NAPA: variants seen among roughly 807,000 people sequenced by gnomAD.
The protein encoded by NAPA is NSF attachment protein alpha, also known as alpha-soluble NSF attachment protein.
NAPA carries 18 observed loss-of-function variants against 48.0 expected under a neutral mutation model. That is an observed-to-expected ratio of 0.38 (90% CI 0.26 to 0.56). The LOEUF (loss-of-function observed/expected upper bound fraction) is 0.56, where lower values mean the gene tolerates loss of function less well. Among genes scored for constraint, NAPA ranks in the 20% least tolerant of loss-of-function variants. The pLI, the probability that NAPA is intolerant of heterozygous loss-of-function variation, is 0.77. For missense variants in NAPA, 315 were observed against 385.0 expected (o/e 0.82, Z 1.52); for synonymous variants, 152 against 149.9 (o/e 1.01, Z -0.10).
chr19:47,492,120 C>G lies in NAPA; in HGVS notation c.562-1G>C. On this transcript the variant is annotated splice_acceptor_variant, in intron 7 of 10. Coordinates refer to ENST00000263354, the MANE Select transcript of NAPA (RefSeq NM_003827.4). LOFTEE classifies it high-confidence loss of function. ...GGCTGTCCATGGCATTGGTCCCCACCTGTAGCCATGGAGAAGTGGCACTGG... is the reference window on the plus strand; with the variant it reads ...GGCTGTCCATGGCATTGGTCCCCACGTGTAGCCATGGAGAAGTGGCACTGG... 1.2e-6 allele frequency: 2 copies of G among 1,613,314 alleles called. No homozygotes were observed. Among genetic ancestry groups the G allele is most frequent in the Non-Finnish European group, 1.7e-6 (2 of 1,179,480 alleles).
In NAPA at chr19:47,494,760, AG is replaced by A. The variant is rs1568465507; in HGVS notation, c.342+789del. 2.7e-3 allele frequency among the ~76,000 whole-genome samples: 305 copies of A among 110,932 alleles called. 3 individuals carry two copies. The highest frequency in any genetic ancestry group is 5.6e-3 in the African/African-American group (186 of 33,118). 72.8% of individuals were successfully genotyped at this position (110,932 alleles called of 152,430 possible). Reference sequence around the variant, plus strand: ...CAAAAAAAAAAAAAAAAAAAAAAAGAGAGAGAGAGAAAGCACTGACAGGAGC... The same window carrying A: ...CAAAAAAAAAAAAAAAAAAAAAAAGAAGAGAGAGAAAGCACTGACAGGAGC... On this transcript the variant is annotated intron_variant, in intron 4 of 10. Transcript: ENST00000263354.
chr19:47,504,272 G>A (rs1341141021), intron 1 of NAPA, among the ~76,000 whole-genome samples: 4 of 151,954 alleles, frequency 2.6e-5, no homozygotes, highest in Non-Finnish European at 4.4e-5. Context: ...GTGCACGCCT[G>A]TAGTCCTAGC....
chr19:47,492,564 C>T (rs1308370565), intron 7 of NAPA: 1 of 408,074 alleles, frequency 2.5e-6, no homozygotes, highest in Admixed American at 3.6e-5. Context: ...GGGGGGACCC[C>T]ATGTGACACT....
rs1968137111 is a variant in NAPA, at chr19:47,488,399, CA to C, written c.787-11del. On this transcript the variant is annotated splice_polypyrimidine_tract_variant and intron_variant, in intron 10 of 10. Transcript: ENST00000263354. ...AGTCGTATTCCTTCACCTGAGGGCA[CA>C]CCAGGTGATAGGCTGGCCATGCTCC... is the stretch of plus-strand genomic sequence containing the variant. The C allele has an allele frequency of 6.2e-7, 1 of 1,606,646 alleles. No homozygotes were observed. Among genetic ancestry groups the C allele is most frequent in the African/African-American group, 1.3e-5 (1 of 74,868 alleles).
At chr19:47,490,339 G>C (rs1339043113) in intron 9 of NAPA, among the ~76,000 whole-genome samples, 2 of 144,796 alleles carry the variant, frequency 1.4e-5, no homozygotes, top group Admixed American at 6.9e-5. Context: ...CGATATGTGT[G>C]GTGTGTGATG....
chr19:47,500,636 G>A lies in NAPA; in HGVS notation c.292C>T (p.Gln98Ter), dbSNP rs1222746763. 1 of 1,607,340 alleles carries A rather than the reference G, an allele frequency of 6.2e-7. No homozygotes were observed. The highest frequency in any genetic ancestry group is 1.3e-5 in the African/African-American group (1 of 74,680). The change falls in exon 3 of 11, where the codon CAA becomes TAA. Residue 98 changes from glutamine to a stop codon, truncating the protein, a stop_gained. Coordinates refer to ENST00000263354, the MANE Select transcript of NAPA (RefSeq NM_003827.4). LOFTEE classifies it high-confidence loss of function. ...TGTGGCCCGCAGAGGCCCTCACCTT[G>A]GGGGTCGGCTTTCTTGAATGCGTTG... ...AGNAFKKADP[Q>*]EAINCLMRAI...
chr19:47,486,696 C>T (rs899421058), downstream of NAPA, among the ~76,000 whole-genome samples: 2 of 152,236 alleles, frequency 1.3e-5, no homozygotes, highest in Admixed American at 1.3e-4. Flanking sequence ...TCACACTATC[C>T]TTCAGCCAGC....
chr19:47,505,427 C>A (rs767494560), intron 1 of NAPA: 1 of 152,222 alleles, frequency 6.6e-6, no homozygotes, highest in Non-Finnish European at 1.5e-5. Context: ...CTCTGCACTG[C>A]GGATTCAGTG....
chr19:47,490,952 ATT>A, intron 8 of NAPA, 96 bp from the exon 9 acceptor site: 2 of 1,089,410 alleles, frequency 1.8e-6, no homozygotes, highest in Middle Eastern at 2.0e-4. Flanking sequence ...GTCGGGTGAT[ATT>A]GAGTCAGCTC....
At chr19:47,507,439 C>G (rs1308442394) in intron 1 of NAPA, among the ~76,000 whole-genome samples, 2 of 152,178 alleles carry the variant, frequency 1.3e-5, no homozygotes, top group Non-Finnish European at 2.9e-5. Flanking sequence ...GCCAGAAATA[C>G]ACCATGCCCT....
downstream of NAPA, among the ~76,000 whole-genome samples, chr19:47,484,948 C>A (rs749780637): frequency 1.3e-4 from 20 of 152,178 alleles, no homozygotes; most frequent in Non-Finnish European, 2.1e-4. Flanking sequence ...GATCCGCCCA[C>A]CTCGGCCTCC....
intron 7 of NAPA, chr19:47,492,561 C>T (rs1189896327): frequency 2.2e-5 from 9 of 405,658 alleles, no homozygotes; most frequent in Non-Finnish European, 4.2e-5. Flanking sequence ...GCTGGGGGGA[C>T]CCCATGTGAC....
rs368123716 is a variant in NAPA, at chr19:47,489,302, A to T, written c.786+409T>A. ...GCAGAGGGAAGCTGGCACCTCTCCC[A>T]TGTCCTCAGCTCCACTCTCCTTCTC... On this transcript the variant is annotated intron_variant, in intron 10 of 10. Coordinates refer to ENST00000263354, the MANE Select transcript of NAPA (RefSeq NM_003827.4). 7.0e-4 allele frequency: 140 copies of T among 199,108 alleles called. No individual in the cohort carries two copies. In the South Asian group the frequency reaches 0.017, roughly 24 times the overall value. The allele number at this position is 199,108 out of a possible 1,614,324, so 12.3% of individuals were successfully genotyped here. A position where few individuals can be genotyped will look rare whatever the true frequency, so the allele number is the denominator to read the frequency against.
intron 8 of NAPA, 138 bp downstream of exon 8, chr19:47,491,877 A>C (rs1968275455): frequency 1.3e-6 from 1 of 744,668 alleles, no homozygotes; most frequent in Non-Finnish European, 2.2e-6. Flanking sequence ...TGAGAACCAC[A>C]CTTCTCATCC....
intron 9 of NAPA, 108 bp downstream of exon 9, chr19:47,490,680 A>T: frequency 3.5e-6 from 1 of 284,918 alleles, no homozygotes; most frequent in Non-Finnish European, 5.9e-6. Flanking sequence ...CAAAACAAAG[A>T]CACCCTCTGA....
intron 1 of NAPA, among the ~76,000 whole-genome samples, chr19:47,504,419 A>C (rs947407425): frequency 6.6e-6 from 1 of 150,556 alleles, no homozygotes; most frequent in South Asian, 2.1e-4. Flanking sequence ...AAAAAAAAAA[A>C]AGAGAAAGAG....
chr19:47,512,562 C>T (rs546315134), intron 1 of NAPA, among the ~76,000 whole-genome samples: 1 of 152,280 alleles, frequency 6.6e-6, no homozygotes, highest in Admixed American at 6.5e-5. Flanking sequence ...AGGGACCAGA[C>T]ACCCAGAGCC....
rs1237009430 is a variant in NAPA at position 47,493,275 on chromosome 19, C to A, written c.421-101G>T. 1.6e-5 allele frequency: 24 copies of A among 1,484,626 alleles called. No homozygotes were observed. Among genetic ancestry groups the A allele is most frequent in the Non-Finnish European group, 2.2e-5 (24 of 1,081,164 alleles). 92.0% of individuals were successfully genotyped at this position (1,484,626 alleles called of 1,614,324 possible). A position where few individuals can be genotyped will look rare whatever the true frequency, so the allele number is the denominator to read the frequency against. On this transcript the variant is annotated intron_variant, in intron 5 of 10. Transcript: ENST00000263354. The surrounding 1 kb of genome is among the most constrained non-coding windows in gnomAD (Gnocchi z 6.4). ...TCCGCCCTGCCTGCCTGGGACACAG[C>A]CAGACCCCATTCTCCAAGCTCTGCC...
rs755625968 is a variant in NAPA at position 47,493,524 on chromosome 19, G to A, written c.343-31C>T. On this transcript the variant is annotated intron_variant, in intron 4 of 10. Coordinates refer to ENST00000263354, the MANE Select transcript of NAPA (RefSeq NM_003827.4). The surrounding 1 kb of genome is among the most constrained non-coding windows in gnomAD (Gnocchi z 6.4). The stretch of plus-strand genomic sequence containing the variant: ...GGGGACACAGGAAGGGGCTGCCTGC[G>A]ACTCATGACCTCCTGCGTGCCTGCC... 2.5e-6 allele frequency: 4 copies of A among 1,600,490 alleles called. No homozygotes were observed. Among genetic ancestry groups the A allele is most frequent in the East Asian group, 2.2e-5 (1 of 44,812 alleles).
Sources: gnomAD v4.1 joint callset for allele counts (sites outside exome capture counted in the v4.1 genomes callset) on GRCh38, gnomAD v4.1.1 for gene constraint, Gnocchi (gnomAD v3.1) non-coding constraint, MANE v1.5 for transcripts, NCBI Gene and HGNC (gene_info 2026-07-23, HGNC 2026-07-21) for gene names.